Variants in LMNTD1 observed in about 807,000 individuals in gnomAD.
LMNTD1 encodes the protein lamin tail domain-containing protein 1.
Under a neutral mutation model 50.9 loss-of-function variants are expected in LMNTD1, and 35 were observed. The ratio of observed to expected loss-of-function variants is 0.69; its 90% CI spans 0.53 to 0.91. LMNTD1 has a LOEUF of 0.91. LMNTD1 is among the 40% of genes least tolerant of loss of function. The pLI is 0.00. For synonymous variants in LMNTD1, 153 were observed against 161.9 expected (o/e 0.94, Z 0.42); for missense variants, 470 against 475.5 (o/e 0.99, Z 0.11).
At chr12:25,559,175 C>T (rs570325773) in intron 1 of LMNTD1, among the ~76,000 whole-genome samples, 2 of 152,140 alleles carry the variant, frequency 1.3e-5, no homozygotes, top group Admixed American at 1.3e-4. Context: ...AGGTATATCT[C>T]CTAATGCTAT....
At chr12:25,480,820 C>A (rs1465749390) in intron 9 of LMNTD1, among the ~76,000 whole-genome samples, 1 of 152,214 alleles carries the variant, frequency 6.6e-6, no homozygotes, top group Non-Finnish European at 1.5e-5. Flanking sequence ...GTTGAGCCAA[C>A]AAGGCACTAT....
chr12:25,606,526 G>A (rs1946108569), intron 1 of LMNTD1, among the ~76,000 whole-genome samples: 1 of 152,180 alleles, frequency 6.6e-6, no homozygotes, highest in African/African-American at 2.4e-5. Flanking sequence ...AATTTATTGA[G>A]AGTTTTTAGC....
At chr12:25,499,112 C>A (rs1939236271) in intron 9 of LMNTD1, among the ~76,000 whole-genome samples, 1 of 152,180 alleles carries the variant, frequency 6.6e-6, no homozygotes, top group Admixed American at 6.5e-5. Flanking sequence ...GGCTCTGCTG[C>A]ACAGGCTGGA....
chr12:25,594,591 A>C (rs1945791838), intron 1 of LMNTD1, among the ~76,000 whole-genome samples: 1 of 148,528 alleles, frequency 6.7e-6, no homozygotes, highest in African/African-American at 2.5e-5. Context: ...AATCCTGGGA[A>C]CACATCCAAA....
At chr12:25,492,465 A>G (rs1345616281) in intron 9 of LMNTD1, among the ~76,000 whole-genome samples, 2 of 152,194 alleles carry the variant, frequency 1.3e-5, no homozygotes, top group Non-Finnish European at 2.9e-5. Flanking sequence ...CTTGTCACGA[A>G]TATTTTATGC....
intron 1 of LMNTD1, among the ~76,000 whole-genome samples, chr12:25,632,987 G>A (rs994555584): frequency 2.0e-5 from 3 of 151,132 alleles, no homozygotes; most frequent in Non-Finnish European, 4.4e-5. Flanking sequence ...GGCATTTCAC[G>A]CAAATAGACA....
At chr12:25,535,815 A>C (rs1942539462) in intron 4 of LMNTD1, among the ~76,000 whole-genome samples, 1 of 152,170 alleles carries the variant, frequency 6.6e-6, no homozygotes, top group Non-Finnish European at 1.5e-5. Flanking sequence ...AGTCTCAACT[A>C]TATGCTACCT....
rs75122570 is a variant in LMNTD1 at position 25,512,816 on chromosome 12, G to A, written c.1189+5979C>T. ...GGGGCCAAGGGTAATCCCTCTTGGGGCCAGTTGAAAGGATTCTTAGGAGAA... is the reference window on the plus strand; with the variant it reads ...GGGGCCAAGGGTAATCCCTCTTGGGACCAGTTGAAAGGATTCTTAGGAGAA... On this transcript the variant is annotated intron_variant, in intron 8 of 9. Transcript: ENST00000458174. Among the ~76,000 whole-genome samples the A allele has an allele frequency of 3.7e-3, 555 of 151,128 alleles. 4 individuals carry two copies. Among genetic ancestry groups the A allele is most frequent in the African/African-American group, 0.013 (540 of 41,206 alleles).
At chr12:25,478,699 T>A (rs925355200) in intron 9 of LMNTD1, among the ~76,000 whole-genome samples, 3 of 152,062 alleles carry the variant, frequency 2.0e-5, no homozygotes, top group African/African-American at 7.2e-5. Context: ...GGCAGGAGAA[T>A]CACTTCAACC....
intron 1 of LMNTD1, among the ~76,000 whole-genome samples, chr12:25,625,758 A>G (rs1022815428): frequency 6.6e-6 from 1 of 152,078 alleles, no homozygotes; most frequent in African/African-American, 2.4e-5. Context: ...GGTTTGTTGA[A>G]ACCCATGACT....
At chr12:25,502,225 A>T (rs1021857707) in intron 9 of LMNTD1, among the ~76,000 whole-genome samples, 4 of 152,084 alleles carry the variant, frequency 2.6e-5, no homozygotes, top group African/African-American at 7.2e-5. Context: ...AACATAAAAA[A>T]TTCCCCCCCT....
chr12:25,512,525 TA>T (rs755074996), intron 8 of LMNTD1, among the ~76,000 whole-genome samples: 5 of 152,140 alleles, frequency 3.3e-5, no homozygotes, highest in Non-Finnish European at 7.4e-5. Flanking sequence ...TTTATAACAT[TA>T]AAAAAAGATT....
intron 8 of LMNTD1, among the ~76,000 whole-genome samples, chr12:25,513,805 T>C (rs1042417823): frequency 6.6e-6 from 1 of 152,058 alleles, no homozygotes; most frequent in African/African-American, 2.4e-5. Context: ...TCAAAAGCAG[T>C]AGCAACAATA....
intron 8 of LMNTD1, among the ~76,000 whole-genome samples, chr12:25,511,498 G>T (rs1475433963): frequency 6.6e-6 from 1 of 152,144 alleles, no homozygotes; most frequent in African/African-American, 2.4e-5. Flanking sequence ...TCCAACTAGA[G>T]ATTATAAGTA....
chr12:25,588,544 C>G (rs1303837128), intron 1 of LMNTD1, among the ~76,000 whole-genome samples: 1 of 151,934 alleles, frequency 6.6e-6, no homozygotes, highest in Non-Finnish European at 1.5e-5. Flanking sequence ...CTATATTGTT[C>G]AGGGATGCAT....
chr12:25,552,423 G>A (rs573969747), intron 2 of LMNTD1, among the ~76,000 whole-genome samples: 1 of 151,592 alleles, frequency 6.6e-6, no homozygotes, highest in Non-Finnish European at 1.5e-5. Context: ...TCAAGACCAC[G>A]GTGAAACCTC....
At chr12:25,614,380 A>G (rs542905450) in intron 1 of LMNTD1, among the ~76,000 whole-genome samples, 1 of 152,138 alleles carries the variant, frequency 6.6e-6, no homozygotes. Flanking sequence ...CAAATCCTCA[A>G]TTACCAGGTA....
intron 1 of LMNTD1, among the ~76,000 whole-genome samples, chr12:25,629,236 G>A (rs754787515): frequency 1.3e-5 from 2 of 152,134 alleles, no homozygotes; most frequent in Admixed American, 6.5e-5. Context: ...TCTTCTAAAC[G>A]ATAGTAGAGT....
chr12:25,519,195 A>G (rs1941046709), intron 7 of LMNTD1, among the ~76,000 whole-genome samples: 1 of 152,184 alleles, frequency 6.6e-6, no homozygotes, highest in Admixed American at 6.5e-5. Flanking sequence ...AAATTCCTGG[A>G]TAATGCACCT....
Sources: allele counts gnomAD v4.1 joint callset (sites outside exome capture counted in the v4.1 genomes callset), GRCh38; gene constraint gnomAD v4.1.1; transcripts MANE v1.5; gene names NCBI Gene and HGNC (gene_info 2026-07-23, HGNC 2026-07-21).